Variants in DNAJC6 observed in about 807,000 individuals in gnomAD.
DNAJC6 encodes the protein auxilin.
Under a neutral mutation model 110.0 loss-of-function variants are expected in DNAJC6, and 34 were observed. That is an observed-to-expected ratio of 0.31 (90% CI 0.24 to 0.41). The LOEUF is 0.41. DNAJC6 is among the 10% of genes least tolerant of loss of function. The pLI is 1.00. For missense variants in DNAJC6, 1,031 were observed against 1,207.8 expected (o/e 0.85, Z 2.17); for synonymous variants, 406 against 437.2 (o/e 0.93, Z 0.89).
chr1:65,412,036 G>C (rs9436731), intron 18 of DNAJC6, among the ~76,000 whole-genome samples: 1,722 of 152,260 alleles, frequency 0.011, 31 homozygotes, highest in African/African-American at 0.039. Context: ...CTAAGAGCTG[G>C]ACAGAAGAAA....
At chr1:65,397,004 C>T (rs1321750786) in intron 13 of DNAJC6, among the ~76,000 whole-genome samples, 1 of 152,168 alleles carries the variant, frequency 6.6e-6, no homozygotes, top group African/African-American at 2.4e-5. Context: ...GGTGTTCATA[C>T]TTGGCAGCTT....
chr1:65,293,410 G>A (rs370238747), intron 1 of DNAJC6, among the ~76,000 whole-genome samples: 6 of 152,042 alleles, frequency 3.9e-5, no homozygotes, highest in Non-Finnish European at 5.9e-5. Context: ...TCATTTAAAC[G>A]TAATCATCTT....
intron 1 of DNAJC6, among the ~76,000 whole-genome samples, chr1:65,331,674 C>T (rs1481377859): frequency 6.6e-6 from 1 of 152,168 alleles, no homozygotes; most frequent in Non-Finnish European, 1.5e-5. Context: ...CTAATTATAA[C>T]TTGAGCAGCA....
chr1:65,406,731 T>G (rs1646080536), intron 16 of DNAJC6, among the ~76,000 whole-genome samples: 1 of 152,140 alleles, frequency 6.6e-6, no homozygotes, highest in Admixed American at 6.5e-5. Flanking sequence ...CTGGATAGGA[T>G]CTTGACAATG....
chr1:65,406,795 A>G (rs564540345), intron 16 of DNAJC6, among the ~76,000 whole-genome samples: 1 of 152,298 alleles, frequency 6.6e-6, no homozygotes, highest in African/African-American at 2.4e-5. Flanking sequence ...AGTTTATTAA[A>G]AGCCTATTTT....
Position 65,398,873 on chromosome 1 carries a change from C to G in DNAJC6, c.2099C>G (p.Ala700Gly), listed in dbSNP as rs1646004555. The change falls in exon 14 of 19, where the codon GCT becomes GGT. Residue 700 changes from alanine to glycine, a missense_variant. Physicochemically the swap from Ala to Gly is moderately conservative, Grantham distance 60. Coordinates refer to ENST00000371069, the MANE Select transcript of DNAJC6 (RefSeq NM_001256864.2). ...PDVSGGWDWH[A>G]KPGGFGMGSK... The stretch of plus-strand genomic sequence containing the variant: ...GTTTCTGGAGGTTGGGACTGGCATG[C>G]TAAACCAGGTAAAAGCAGGTTATTT... 6.2e-7 allele frequency: 1 copy of G among 1,614,000 alleles called. No homozygotes were observed. Among genetic ancestry groups the G allele is most frequent in the Non-Finnish European group, 8.5e-7 (1 of 1,179,934 alleles).
intron 1 of DNAJC6, among the ~76,000 whole-genome samples, chr1:65,295,574 G>A (rs7545625): frequency 0.64 from 97,387 of 151,920 alleles, 31,423 homozygotes; most frequent in East Asian, 0.79. Flanking sequence ...GTACACTATA[G>A]CTACTCTAGC....
chr1:65,404,798 A>G (rs1283826849), intron 15 of DNAJC6, among the ~76,000 whole-genome samples: 1 of 152,214 alleles, frequency 6.6e-6, no homozygotes, highest in Admixed American at 6.5e-5. Flanking sequence ...ATTTGGAGGT[A>G]GGATGCACAT....
At chr1:65,266,171 T>G (rs2101145634) in intron 1 of DNAJC6, among the ~76,000 whole-genome samples, 1 of 152,208 alleles carries the variant, frequency 6.6e-6, no homozygotes, top group East Asian at 1.9e-4. Context: ...GCCGCGGGGC[T>G]TGGCCTTCTC....
In DNAJC6 at chr1:65,364,797, C is replaced by A. The variant is rs759924913; in HGVS notation, c.344+12C>A. On this transcript the variant is annotated intron_variant, in intron 2 of 18. Coordinates refer to ENST00000371069, the MANE Select transcript of DNAJC6 (RefSeq NM_001256864.2). ...CAATCTGTGACCAGGTACGCACATT[C>A]TTCCCAGTTAATTTAGTGGATCCCC... 9 of 1,611,378 alleles carry A rather than the reference C, an allele frequency of 5.6e-6. No individual in the cohort carries two copies. Among genetic ancestry groups the A allele is most frequent in the Middle Eastern group, 3.3e-4 (2 of 6,038 alleles).
intron 1 of DNAJC6, among the ~76,000 whole-genome samples, chr1:65,357,621 T>C (rs1021655735): frequency 6.6e-6 from 1 of 152,166 alleles, no homozygotes; most frequent in African/African-American, 2.4e-5. Context: ...GTCTGAAGTC[T>C]TAGAATAAGT....
chr1:65,364,682 G>C lies in DNAJC6; in HGVS notation c.241G>C (p.Asp81His). The stretch of plus-strand genomic sequence containing the variant: ...GCCCAGCTATGGGGGAGGTCTCTTT[G>C]ACATGGTAAAAGGAGGTGCAGGGAG... ...MEPSYGGGLF[D>H]MVKGGAGRLF... is the part of the protein sequence containing the mutation. The change falls in exon 2 of 19, where the codon GAC becomes CAC. Residue 81 changes from aspartate to histidine, a missense_variant. Transcript: ENST00000371069. The C allele has an allele frequency of 6.2e-7, 1 of 1,604,452 alleles. No individual in the cohort carries two copies. The highest frequency in any genetic ancestry group is 8.5e-7 in the Non-Finnish European group (1 of 1,177,814).
intron 4 of DNAJC6, among the ~76,000 whole-genome samples, chr1:65,368,012 A>G (rs534669953): frequency 2.3e-4 from 35 of 152,156 alleles, no homozygotes; most frequent in Non-Finnish European, 4.3e-4. Flanking sequence ...ATCCCTCCCC[A>G]AAAATAAAAA....
chr1:65,301,456 C>A (rs1644977859), intron 1 of DNAJC6, among the ~76,000 whole-genome samples: 1 of 152,144 alleles, frequency 6.6e-6, no homozygotes, highest in Non-Finnish European at 1.5e-5. Context: ...CCCAACCTAC[C>A]ACCTCCACTT....
Position 65,379,834 on chromosome 1 carries a change from T to C in DNAJC6, c.666+310T>C, listed in dbSNP as rs201662154. 5.6e-5 allele frequency: 11 copies of C among 194,848 alleles called. No individual in the cohort carries two copies. In the East Asian group the frequency reaches 1.2e-3, roughly 21 times the overall value. The allele number at this position is 194,848 out of a possible 1,614,324, so 12.1% of individuals were successfully genotyped here. Reference sequence around the variant, plus strand: ...CACAGCTAAAAATGCCATTGACTTTTGTGTGAATAAAGTTAACATTAACAT... The same window carrying C: ...CACAGCTAAAAATGCCATTGACTTTCGTGTGAATAAAGTTAACATTAACAT... On this transcript the variant is annotated intron_variant, in intron 5 of 18. Coordinates refer to ENST00000371069, the MANE Select transcript of DNAJC6 (RefSeq NM_001256864.2).
intron 9 of DNAJC6, 118 bp downstream of exon 9, chr1:65,388,533 C>T (rs1645893851): frequency 1.2e-6 from 1 of 868,152 alleles, no homozygotes; most frequent in East Asian, 2.5e-5. Flanking sequence ...TACTGAGTGT[C>T]ACTCAGTAGC....
chr1:65,299,598 C>T (rs564257597), intron 1 of DNAJC6, among the ~76,000 whole-genome samples: 1 of 152,264 alleles, frequency 6.6e-6, no homozygotes, highest in Non-Finnish European at 1.5e-5. Context: ...TATGCCAGGC[C>T]TTATGCTAAG....
intron 4 of DNAJC6, among the ~76,000 whole-genome samples, chr1:65,373,139 T>C (rs547124948): frequency 6.6e-6 from 1 of 152,362 alleles, no homozygotes; most frequent in African/African-American, 2.4e-5. Context: ...TGACAGGATT[T>C]CATTCTTTTT....
At chr1:65,365,857 T>C (rs1174585301) in intron 2 of DNAJC6, 28 bp from the exon 3 acceptor site, 2 of 1,609,572 alleles carry the variant, frequency 1.2e-6, no homozygotes, top group South Asian at 1.1e-5. Context: ...ATCATTTTAA[T>C]GAGTGCCCAT....
Sources: gnomAD v4.1 joint callset for allele counts (sites outside exome capture counted in the v4.1 genomes callset) on GRCh38, gnomAD v4.1.1 for gene constraint, MANE v1.5 for transcripts, NCBI Gene and HGNC (gene_info 2026-07-23, HGNC 2026-07-21) for gene names.